RANBP2: variants seen among roughly 807,000 people sequenced by gnomAD.
The protein encoded by RANBP2 is RAN binding protein 2.
In RANBP2, 57 loss-of-function variants were observed where a neutral mutation model predicts 303.6. That is an observed-to-expected ratio of 0.19 (90% CI 0.15 to 0.23). The LOEUF is 0.23. Ranked by LOEUF, RANBP2 falls within the 10% of genes least tolerant of loss-of-function variation. The pLI is 1.00. For synonymous variants in RANBP2, 1,167 were observed against 1,301.5 expected, an observed-to-expected ratio of 0.90 and a Z score of 2.23; for missense variants, 3,138 against 3,780.8, an observed-to-expected ratio of 0.83 and a Z score of 4.46.
the RANBP2 span, among the ~76,000 whole-genome samples, chr2:109,511,512 G>A: frequency 2.0e-5 from 3 of 152,208 alleles, no homozygotes; most frequent in Non-Finnish European, 2.9e-5. Context: ...GGGAGAACCT[G>A]CCCACCTGAA....
chr2:109,766,186 G>A, the RANBP2 span, among the ~76,000 whole-genome samples: 1 of 151,174 alleles, frequency 6.6e-6, no homozygotes, highest in Non-Finnish European at 1.5e-5. Flanking sequence ...GGCCTCGGCA[G>A]GTACGAGGAG....
At chr2:109,015,168 TAGAACTC>T in the RANBP2 span, among the ~76,000 whole-genome samples, 1 of 116,800 alleles carries the variant, frequency 8.6e-6, no homozygotes, top group East Asian at 3.2e-4. Context: ...AAGATAGTAA[TAGAACTC>T]AGAGAGTTGT....
chr2:109,528,473 G>A, the RANBP2 span, among the ~76,000 whole-genome samples: 14 of 152,332 alleles, frequency 9.2e-5, no homozygotes, highest in South Asian at 2.5e-3. Context: ...CAAGCCAAAC[G>A]GGTGCAAGAC....
the RANBP2 span, among the ~76,000 whole-genome samples, chr2:109,285,504 A>G: frequency 6.6e-6 from 1 of 152,302 alleles, no homozygotes; most frequent in South Asian, 2.1e-4. Context: ...TTAACAGTGC[A>G]TGCTGGGGCA....
chr2:108,845,489 A>G, the RANBP2 span, among the ~76,000 whole-genome samples: 1 of 152,168 alleles, frequency 6.6e-6, no homozygotes, highest in African/African-American at 2.4e-5. Flanking sequence ...ATTGGGTCAT[A>G]ATAAAGGAAA....
At chr2:109,562,685 G>GGACCC in the RANBP2 span, among the ~76,000 whole-genome samples, 1 of 152,072 alleles carries the variant, frequency 6.6e-6, no homozygotes. Context: ...CTCTTACTCA[G>GGACCC]GACCCCTTCC....
chr2:109,086,781 A>C, the RANBP2 span, among the ~76,000 whole-genome samples: 1 of 152,140 alleles, frequency 6.6e-6, no homozygotes, highest in Non-Finnish European at 1.5e-5. Context: ...GTGCAGCCAC[A>C]GCTTTCCAAG....
chr2:109,433,293 C>T, the RANBP2 span, among the ~76,000 whole-genome samples: 1 of 152,176 alleles, frequency 6.6e-6, no homozygotes, highest in African/African-American at 2.4e-5. Context: ...CAAAGGTCAA[C>T]GATTGTTGAG....
the RANBP2 span, among the ~76,000 whole-genome samples, chr2:108,927,555 G>A: frequency 2.6e-5 from 4 of 152,154 alleles, no homozygotes; most frequent in Non-Finnish European, 2.9e-5. Context: ...GGTCTGAACC[G>A]TAGCCAGGCC....
At chr2:109,153,688 T>C in the RANBP2 span, among the ~76,000 whole-genome samples, 38 of 152,358 alleles carry the variant, frequency 2.5e-4, 1 homozygote, top group South Asian at 7.9e-3. Flanking sequence ...GGAATGAATC[T>C]TGATCTAGTC....
the RANBP2 span, among the ~76,000 whole-genome samples, chr2:109,607,128 T>C: frequency 9.2e-4 from 140 of 152,330 alleles, no homozygotes; most frequent in African/African-American, 3.3e-3. Context: ...ATTGAGCTTT[T>C]TGTAAAAAGC....
chr2:109,298,034 G>C, the RANBP2 span, among the ~76,000 whole-genome samples: 1 of 152,206 alleles, frequency 6.6e-6, no homozygotes, highest in Non-Finnish European at 1.5e-5. Context: ...GTGTGGTGCA[G>C]TGTGGGAACG....
the RANBP2 span, chr2:109,490,685 T>G: frequency 1.3e-6 from 2 of 1,526,458 alleles, no homozygotes; most frequent in South Asian, 2.4e-5. Flanking sequence ...CATCTGTGTC[T>G]CCAACCCACG....
At chr2:109,258,980 C>T in the RANBP2 span, among the ~76,000 whole-genome samples, 1 of 152,230 alleles carries the variant, frequency 6.6e-6, no homozygotes, top group East Asian at 1.9e-4. Context: ...CGCATGCCCT[C>T]TCTAGCTGGG....
chr2:109,477,958 C>G, the RANBP2 span, among the ~76,000 whole-genome samples: 1 of 152,204 alleles, frequency 6.6e-6, no homozygotes, highest in Non-Finnish European at 1.5e-5. Context: ...CCTGCCTTTG[C>G]TGGAGGGTTC....
chr2:109,592,936 G>GT, the RANBP2 span: 1 of 545,572 alleles, frequency 1.8e-6, no homozygotes, highest in Non-Finnish European at 3.0e-6. Flanking sequence ...CACGTTGGAG[G>GT]TAAGTACAAA....
At chr2:109,400,697 C>T in the RANBP2 span, among the ~76,000 whole-genome samples, 2 of 152,242 alleles carry the variant, frequency 1.3e-5, no homozygotes, top group African/African-American at 4.8e-5. Flanking sequence ...TACACACCTG[C>T]ACGCATATGT....
chr2:108,961,792 C>T, the RANBP2 span, among the ~76,000 whole-genome samples: 1 of 152,192 alleles, frequency 6.6e-6, no homozygotes, highest in African/African-American at 2.4e-5. Flanking sequence ...TAACCTGCTG[C>T]TGCTCTCTCG....
At chr2:109,326,514 C>T in the RANBP2 span, among the ~76,000 whole-genome samples, 38 of 152,142 alleles carry the variant, frequency 2.5e-4, no homozygotes, top group Non-Finnish European at 5.0e-4. Flanking sequence ...CTTGCTGTTG[C>T]CAGACTTTTA....
Sources: allele counts gnomAD v4.1 joint callset (sites outside exome capture counted in the v4.1 genomes callset), GRCh38; gene constraint gnomAD v4.1.1; transcripts MANE v1.5; gene names NCBI Gene and HGNC (gene_info 2026-07-23, HGNC 2026-07-21).